Variants in NOL10 observed in about 807,000 individuals in gnomAD.
NOL10 encodes the protein H_NH0074G24.1.
In NOL10, 58 loss-of-function variants were observed where a neutral mutation model predicts 103.5. That is an observed-to-expected ratio of 0.56 (90% CI 0.45 to 0.70). The LOEUF (loss-of-function observed/expected upper bound fraction) is 0.70. NOL10 is among the 30% of genes least tolerant of loss of function. NOL10 has a pLI of 0.00. For missense variants in NOL10, 763 were observed against 807.3 expected (o/e 0.95, Z 0.67); for synonymous variants, 287 against 282.5 (o/e 1.02, Z -0.16).
intron 3 of NOL10, among the ~76,000 whole-genome samples, chr2:10,679,648 C>G (rs925860068): frequency 2.6e-5 from 4 of 151,878 alleles, no homozygotes; most frequent in African/African-American, 9.7e-5. Context: ...TTCTTTGAGA[C>G]AGAGTCTCGC....
intron 13 of NOL10, among the ~76,000 whole-genome samples, chr2:10,641,029 C>T (rs1678665199): frequency 6.6e-6 from 1 of 151,108 alleles, no homozygotes; most frequent in African/African-American, 2.4e-5. Flanking sequence ...ACTAAAAACA[C>T]AAAAATTAGG....
At chr2:10,674,852 T>C (rs979982178) in intron 4 of NOL10, among the ~76,000 whole-genome samples, 18 of 151,008 alleles carry the variant, frequency 1.2e-4, no homozygotes, top group African/African-American at 3.7e-4. Context: ...AATAAATAAG[T>C]AAATAAATAA....
chr2:10,651,534 C>T, intron 12 of NOL10, among the ~76,000 whole-genome samples: 1 of 151,676 alleles, frequency 6.6e-6, no homozygotes, highest in African/African-American at 2.4e-5. Flanking sequence ...ATCCTTTTTT[C>T]GTAGAATGTC....
chr2:10,582,352 C>T (rs1013522687), intron 19 of NOL10, among the ~76,000 whole-genome samples: 1 of 152,228 alleles, frequency 6.6e-6, no homozygotes, highest in African/African-American at 2.4e-5. Flanking sequence ...TACCACAGGG[C>T]AGGTACTTCA....
chr2:10,668,115 A>G (rs1186472715), intron 7 of NOL10, among the ~76,000 whole-genome samples: 1 of 152,200 alleles, frequency 6.6e-6, no homozygotes, highest in Non-Finnish European at 1.5e-5. Context: ...ATGAGATAAT[A>G]AAGGTAAAAT....
intron 12 of NOL10, among the ~76,000 whole-genome samples, chr2:10,650,215 T>G (rs1572375500): frequency 1.3e-5 from 2 of 152,324 alleles, no homozygotes; most frequent in South Asian, 4.1e-4. Context: ...AGAGTACAGT[T>G]AGTTTCAAGA....
intron 13 of NOL10, among the ~76,000 whole-genome samples, chr2:10,633,315 T>C (rs1677961297): frequency 1.3e-5 from 2 of 152,124 alleles, no homozygotes; most frequent in Non-Finnish European, 1.5e-5. Flanking sequence ...TCTCCACTCC[T>C]GAGTAGTTGG....
intron 13 of NOL10, among the ~76,000 whole-genome samples, chr2:10,628,070 C>A (rs1375859295): frequency 1.3e-5 from 2 of 152,130 alleles, no homozygotes; most frequent in Admixed American, 6.5e-5. Flanking sequence ...TCTTCCCACA[C>A]CCTCAAACAA....
At position 10,657,966 on chromosome 2, in the gene NOL10, T is replaced by C. The variant is rs1572392012; in HGVS notation, c.757-75A>G. The C allele has an allele frequency of 3.4e-6, 4 of 1,163,832 alleles. No homozygotes were observed. In the East Asian group the frequency reaches 1.0e-4, roughly 31 times the overall value. 72.1% of individuals were successfully genotyped at this position (1,163,832 alleles called of 1,614,324 possible). A position where few individuals can be genotyped will look rare whatever the true frequency, so the allele number is the denominator to read the frequency against. ...AGGAAATATTTCTAAGTGAGAATAA[T>C]GGCAGCCATTTGCTTCATCGCTTTG... On this transcript the variant is annotated intron_variant, in intron 10 of 20. Coordinates refer to ENST00000381685, the MANE Select transcript of NOL10 (RefSeq NM_024894.4).
At chr2:10,627,706 AAAC>A (rs1677567326) in intron 13 of NOL10, among the ~76,000 whole-genome samples, 1 of 151,510 alleles carries the variant, frequency 6.6e-6, no homozygotes, top group Non-Finnish European at 1.5e-5. Flanking sequence ...AAACAAAAAA[AAAC>A]AAACAACAAC....
chr2:10,607,172 ATT>A lies in NOL10; in HGVS notation c.1153+11_1153+12del. 5 of 1,351,258 alleles carry A rather than the reference ATT, an allele frequency of 3.7e-6. No individual in the cohort carries two copies. The highest frequency in any genetic ancestry group is 2.3e-5 in the Admixed American group (1 of 43,908). 83.7% of individuals were successfully genotyped at this position (1,351,258 alleles called of 1,614,324 possible). A position where few individuals can be genotyped will look rare whatever the true frequency, so the allele number is the denominator to read the frequency against. ...AGTAATTACATAATATTTCATCACA[ATT>A]TTTTTTTTACCTAAATTTTCAAGGT... On this transcript the variant is annotated intron_variant, in intron 14 of 20. Transcript: ENST00000381685.
chr2:10,599,084 T>TG (rs34731464), intron 17 of NOL10, among the ~76,000 whole-genome samples: 87,683 of 151,718 alleles, frequency 0.58, 26,038 homozygotes, highest in African/African-American at 0.69. Flanking sequence ...TACAAAGAAA[T>TG]GGGGGGAAGG....
intron 13 of NOL10, among the ~76,000 whole-genome samples, chr2:10,615,107 T>C (rs952524946): frequency 7.2e-5 from 11 of 152,240 alleles, no homozygotes; most frequent in Non-Finnish European, 1.2e-4. Context: ...TGCAGCATAA[T>C]GAGCTGCCTA....
At chr2:10,669,769 G>A (rs1386638607) in intron 6 of NOL10, among the ~76,000 whole-genome samples, 1 of 151,816 alleles carries the variant, frequency 6.6e-6, no homozygotes, top group African/African-American at 2.4e-5. Flanking sequence ...GCGCATGCCT[G>A]TAATCCCAGC....
chr2:10,579,057 C>T (rs1216280623), intron 19 of NOL10, among the ~76,000 whole-genome samples: 1 of 152,156 alleles, frequency 6.6e-6, no homozygotes, highest in Non-Finnish European at 1.5e-5. Context: ...AGCACAGCTC[C>T]TAAATGATCC....
intron 17 of NOL10, among the ~76,000 whole-genome samples, chr2:10,600,330 T>C (rs1334778043): frequency 6.6e-6 from 1 of 152,198 alleles, no homozygotes; most frequent in Non-Finnish European, 1.5e-5. Context: ...CAGGTGGAAG[T>C]TACACTTCAG....
chr2:10,667,259 T>C lies in NOL10; in HGVS notation c.550A>G (p.Ile184Val), dbSNP rs1680623703. 3 of 1,588,160 alleles carry C rather than the reference T, an allele frequency of 1.9e-6. No individual in the cohort carries two copies. The highest frequency in any genetic ancestry group is 1.7e-6 in the Non-Finnish European group (2 of 1,166,064). ...TDAAENNVCD[I>V]NSVHGLFATG... is the part of the protein sequence containing the mutation. ...GCAAACAAGCCATGCACTGAATTTA[T>C]GTCACAAACATTATTCTCCCTAACA... is the stretch of plus-strand genomic sequence containing the variant. The change falls in exon 8 of 21, where the codon ATA (isoleucine) becomes GTA (valine). Residue 184 changes from isoleucine (I) to valine (V), a missense_variant. Physicochemically the swap from Ile to Val is conservative, Grantham distance 29. Transcript: ENST00000381685.
At position 10,681,968 on chromosome 2, in the gene NOL10, T is replaced by C; in HGVS notation, c.211+3A>G. The C allele has an allele frequency of 7.3e-7, 1 of 1,361,040 alleles. No individual in the cohort carries two copies. The highest frequency in any genetic ancestry group is 9.8e-7 in the Non-Finnish European group (1 of 1,019,420). 84.3% of individuals were successfully genotyped at this position (1,361,040 alleles called of 1,614,324 possible). A position where few individuals can be genotyped will look rare whatever the true frequency, so the allele number is the denominator to read the frequency against. On this transcript the variant is annotated splice_donor_region_variant and intron_variant, in intron 3 of 20. Coordinates refer to ENST00000381685, the MANE Select transcript of NOL10 (RefSeq NM_024894.4). ...TGAAAATCATAACCAAAAAGATGCT[T>C]ACCAGTTGCTAAAATGTACTGTCCA...
In NOL10 at chr2:10,657,173, G is replaced by A. The variant is rs551265174; in HGVS notation, c.906+569C>T. Among the ~76,000 whole-genome samples, 3 of 152,178 alleles carry A rather than the reference G, an allele frequency of 2.0e-5. No homozygotes were observed. In the South Asian group the frequency reaches 6.2e-4, roughly 32 times the overall value. ...ATCGCTACTAAAAATACAAAAATTA[G>A]CTGGGCATGGTGACATGCACCTGTA... On this transcript the variant is annotated intron_variant, in intron 11 of 20. Transcript: ENST00000381685.
Sources: gnomAD v4.1 joint callset for allele counts (sites outside exome capture counted in the v4.1 genomes callset) on GRCh38, gnomAD v4.1.1 for gene constraint, MANE v1.5 for transcripts, NCBI Gene and HGNC (gene_info 2026-07-23, HGNC 2026-07-21) for gene names.